Variants in SLC25A44 observed in about 807,000 individuals in gnomAD.
SLC25A44 encodes the protein solute carrier family 25, member 44.
A neutral mutation model predicts 29.9 loss-of-function variants in SLC25A44; 17 were observed. The observed-to-expected ratio is 0.57, with a 90% CI of 0.39 to 0.85. The LOEUF (loss-of-function observed/expected upper bound fraction) is 0.85. Among genes scored for constraint, SLC25A44 ranks in the 40% least tolerant of loss-of-function variants. SLC25A44 has a pLI of 0.00. For synonymous variants in SLC25A44, 140 were observed against 151.8 expected, an observed-to-expected ratio of 0.92 and a Z score of 0.57; for missense variants, 302 against 398.4, an observed-to-expected ratio of 0.76 and a Z score of 2.06.
chr1:156,210,510 C>G lies in SLC25A44; in HGVS notation c.*79C>G. 1.9e-6 allele frequency: 2 copies of G among 1,073,266 alleles called. No homozygotes were observed. The highest frequency in any genetic ancestry group is 2.6e-6 in the Non-Finnish European group (2 of 767,748). The allele number at this position is 1,073,266 out of a possible 1,614,324, so 66.5% of individuals were successfully genotyped here. On this transcript the variant is annotated 3_prime_UTR_variant, in exon 4 of 4. Transcript: ENST00000359511. ...AGAGTGGAGAGGACAGCACCCTCTC[C>G]AGGTGCTCCCACCACACACCCAGCC...
chr1:156,209,903 T>G (rs1027279649), intron 3 of SLC25A44, among the ~76,000 whole-genome samples: 1 of 152,144 alleles, frequency 6.6e-6, no homozygotes, highest in Non-Finnish European at 1.5e-5. Context: ...CCACCACTCT[T>G]GTTAGTATTT....
intron 2 of SLC25A44, among the ~76,000 whole-genome samples, chr1:156,200,774 G>T (rs1318854532): frequency 6.6e-6 from 1 of 151,886 alleles, no homozygotes; most frequent in Non-Finnish European, 1.5e-5. Context: ...GGGATGTTTA[G>T]GATTTGAAGT....
At chr1:156,204,983 C>G (rs1656838427) in intron 2 of SLC25A44, among the ~76,000 whole-genome samples, 1 of 152,076 alleles carries the variant, frequency 6.6e-6, no homozygotes, top group Admixed American at 6.6e-5. Flanking sequence ...TCTGCCCTGC[C>G]AGCCTCCACC....
intron 2 of SLC25A44, among the ~76,000 whole-genome samples, chr1:156,205,325 A>G (rs775588237): frequency 3.3e-5 from 5 of 152,172 alleles, no homozygotes; most frequent in Non-Finnish European, 7.3e-5. Flanking sequence ...TACAGGCGTG[A>G]GCCACCACGC....
rs141842080 is a variant in SLC25A44, at chr1:156,203,223, C to T, written c.625+2751C>T. Among the ~76,000 whole-genome samples the T allele has an allele frequency of 2.2e-3, 339 of 152,354 alleles. 2 individuals carry two copies. Among genetic ancestry groups the T allele is most frequent in the African/African-American group, 7.8e-3 (323 of 41,580 alleles). ...AGATACTCTTCTCTGCCCGGACACC[C>T]TTTCCCCTGTTCTTTATGTGGTTGG... On this transcript the variant is annotated intron_variant, in intron 2 of 3. Transcript: ENST00000359511.
At chr1:156,202,586 C>T (rs1248720438) in intron 2 of SLC25A44, among the ~76,000 whole-genome samples, 2 of 152,168 alleles carry the variant, frequency 1.3e-5, no homozygotes, top group Non-Finnish European at 2.9e-5. Context: ...CATGACTTAC[C>T]TTAAGTGCTC....
At chr1:156,194,783 A>G (rs1265172662) in intron 1 of SLC25A44, among the ~76,000 whole-genome samples, 1 of 152,164 alleles carries the variant, frequency 6.6e-6, no homozygotes, top group Non-Finnish European at 1.5e-5. Flanking sequence ...GGAATGGAGG[A>G]TGTTGGTCTC....
intron 2 of SLC25A44, among the ~76,000 whole-genome samples, chr1:156,205,136 C>T (rs1452484827): frequency 6.6e-6 from 1 of 152,044 alleles, no homozygotes; most frequent in Admixed American, 6.6e-5. Flanking sequence ...CTCCACCTCC[C>T]GGGTTCAAGC....
At chr1:156,207,506 T>A (rs1212922394) in intron 2 of SLC25A44, among the ~76,000 whole-genome samples, 13 of 151,808 alleles carry the variant, frequency 8.6e-5, no homozygotes, top group Admixed American at 8.5e-4. Context: ...AAAAATTAGC[T>A]GGGAATGGTA....
chr1:156,203,601 T>C (rs1174757176), intron 2 of SLC25A44, among the ~76,000 whole-genome samples: 1 of 151,994 alleles, frequency 6.6e-6, no homozygotes, highest in East Asian at 1.9e-4. Flanking sequence ...GCCTGGTAGA[T>C]AAGAGATTCT....
At position 156,212,681 on chromosome 1, in the gene SLC25A44, G is replaced by A; in HGVS notation, c.*2250G>A. 1 of 215,796 alleles carries A rather than the reference G, an allele frequency of 4.6e-6. No homozygotes were observed. Among genetic ancestry groups the A allele is most frequent in the South Asian group, 7.2e-5 (1 of 13,794 alleles). 13.4% of individuals were successfully genotyped at this position (215,796 alleles called of 1,614,324 possible). A position where few individuals can be genotyped will look rare whatever the true frequency, so the allele number is the denominator to read the frequency against. ...CACTGAGGAACAAGGGAATGAAAAG[G>A]CAGACTCTCTGAACGTTTGATGAAA... On this transcript the variant is annotated 3_prime_UTR_variant, in exon 4 of 4. Transcript: ENST00000359511.
intron 1 of SLC25A44, chr1:156,197,989 C>T (rs967645181): frequency 4.6e-5 from 7 of 152,318 alleles, no homozygotes; most frequent in African/African-American, 1.4e-4. Flanking sequence ...TAAAAGCTAC[C>T]TGAAGCCTGA....
chr1:156,197,863 T>C (rs530887006), intron 1 of SLC25A44: 1 of 152,340 alleles, frequency 6.6e-6, no homozygotes, highest in Admixed American at 6.5e-5. Flanking sequence ...AGCTCTCAAG[T>C]ACTCAGTTTG....
chr1:156,200,209 T>C lies in SLC25A44; in HGVS notation c.362T>C (p.Leu121Pro). The C allele has an allele frequency of 1.2e-6, 2 of 1,614,192 alleles. No homozygotes were observed. The highest frequency in any genetic ancestry group is 1.3e-5 in the African/African-American group (1 of 75,048). ...KSLVAGGSAS[L>P]VAQSITVPID... Reference sequence around the variant, plus strand: ...CTGGTGGCTGGTGGCTCAGCCTCCCTTGTGGCCCAGAGCATCACAGTGCCC... The same window carrying C: ...CTGGTGGCTGGTGGCTCAGCCTCCCCTGTGGCCCAGAGCATCACAGTGCCC... Residue 121 changes from leucine (L) to proline (P), a missense_variant, in exon 2 of 4, where the codon CTT (leucine) becomes CCT (proline). Transcript: ENST00000359511.
intron 2 of SLC25A44, among the ~76,000 whole-genome samples, chr1:156,203,086 C>T (rs1441896606): frequency 1.3e-5 from 2 of 152,220 alleles, no homozygotes; most frequent in Middle Eastern, 3.2e-3. Context: ...CTCTATTGCT[C>T]TGACTCCTGT....
intron 3 of SLC25A44, among the ~76,000 whole-genome samples, chr1:156,210,017 C>T (rs935196993): frequency 1.3e-5 from 2 of 151,908 alleles, no homozygotes; most frequent in African/African-American, 4.8e-5. Flanking sequence ...AAGTAAATTA[C>T]CCAAGGTTAT....
chr1:156,210,309 A>G lies in SLC25A44; in HGVS notation c.823A>G (p.Met275Val). The G allele has an allele frequency of 2.5e-6, 4 of 1,607,342 alleles. No homozygotes were observed. The highest frequency in any genetic ancestry group is 3.4e-6 in the Non-Finnish European group (4 of 1,176,936). Residue 275 changes from methionine (M) to valine (V), a missense_variant, in exon 4 of 4, where the codon ATG becomes GTG. Physicochemically the swap from Met to Val is conservative, Grantham distance 21. Coordinates refer to ENST00000359511, the MANE Select transcript of SLC25A44 (RefSeq NM_014655.4). ...LMAEEGPWGLMKGLSARIISA... is the reference protein window; with the variant it reads ...LMAEEGPWGLVKGLSARIISA... ...GGCAGAAGAAGGGCCTTGGGGCCTC[A>G]TGAAGGGCCTCTCGGCCAGAATCAT...
intron 2 of SLC25A44, among the ~76,000 whole-genome samples, chr1:156,201,926 A>T (rs1337279779): frequency 6.6e-6 from 1 of 152,178 alleles, no homozygotes; most frequent in Non-Finnish European, 1.5e-5. Context: ...TTCCATTCTC[A>T]GACTAGCCTG....
intron 3 of SLC25A44, among the ~76,000 whole-genome samples, chr1:156,208,458 C>T (rs780264169): frequency 2.0e-5 from 3 of 152,016 alleles, no homozygotes; most frequent in African/African-American, 7.3e-5. Flanking sequence ...CAGAGTGAGA[C>T]TTTGTCTCAA....
Sources: allele counts gnomAD v4.1 joint callset (sites outside exome capture counted in the v4.1 genomes callset), GRCh38; gene constraint gnomAD v4.1.1; transcripts MANE v1.5; gene names NCBI Gene and HGNC (gene_info 2026-07-23, HGNC 2026-07-21).